The following UPP2 variants were observed in gnomAD, a reference collection of about 807,000 sequenced individuals.
UPP2 encodes the protein uridine phosphorylase 2, also known as UPase 2.
Under a neutral mutation model 26.7 loss-of-function variants are expected in UPP2, and 23 were observed. That is an observed-to-expected ratio of 0.86 (90% CI 0.62 to 1.22). The LOEUF (loss-of-function observed/expected upper bound fraction) is 1.22, where lower values mean the gene tolerates loss of function less well. Among genes scored for constraint, UPP2 ranks in the 50% most tolerant of loss-of-function variants. UPP2 has a pLI of 0.00. For synonymous variants in UPP2, 127 were observed against 141.3 expected (o/e 0.90, Z 0.72); for missense variants, 387 against 396.7 (o/e 0.98, Z 0.21).
chr2:158,036,977 T>C (rs1351106025), intron 3 of UPP2, among the ~76,000 whole-genome samples: 1 of 152,190 alleles, frequency 6.6e-6, no homozygotes, highest in Non-Finnish European at 1.5e-5. Flanking sequence ...TGTATGGGGC[T>C]GGGAAAGTTT....
chr2:158,027,764 C>T (rs1012353500), intron 3 of UPP2, among the ~76,000 whole-genome samples: 1 of 152,206 alleles, frequency 6.6e-6, no homozygotes, highest in African/African-American at 2.4e-5. Context: ...GCCTGGGTAT[C>T]CAGGCATTTC....
At chr2:158,072,322 ATCAGGT>A (rs1478336967) in intron 3 of UPP2, among the ~76,000 whole-genome samples, 1 of 152,186 alleles carries the variant, frequency 6.6e-6, no homozygotes, top group Admixed American at 6.5e-5. Flanking sequence ...AGAATAAAAC[ATCAGGT>A]AGATTTCTAG....
At chr2:158,123,119 A>G (rs545895709) in intron 5 of UPP2, among the ~76,000 whole-genome samples, 2 of 152,232 alleles carry the variant, frequency 1.3e-5, no homozygotes, top group South Asian at 4.1e-4. Flanking sequence ...GGAAGGAGTA[A>G]TGACATCAAG....
chr2:158,081,584 T>C (rs945053310), intron 3 of UPP2, among the ~76,000 whole-genome samples: 1 of 152,106 alleles, frequency 6.6e-6, no homozygotes, highest in Non-Finnish European at 1.5e-5. Flanking sequence ...GATCAGTGGT[T>C]GAATAGATAA....
At chr2:158,042,469 C>G (rs1684094934) in intron 3 of UPP2, among the ~76,000 whole-genome samples, 1 of 152,130 alleles carries the variant, frequency 6.6e-6, no homozygotes. Flanking sequence ...TGGATTAGCA[C>G]TGATTAAGGG....
chr2:158,113,600 A>T (rs7574417), intron 2 of UPP2, among the ~76,000 whole-genome samples: 11,296 of 152,212 alleles, frequency 0.074, 756 homozygotes, highest in African/African-American at 0.17. Context: ...TGAGAAAGAG[A>T]ATAGCTCAGG....
chr2:158,068,636 C>T (rs1226856368), intron 3 of UPP2, among the ~76,000 whole-genome samples: 1 of 150,980 alleles, frequency 6.6e-6, no homozygotes, highest in East Asian at 2.0e-4. Flanking sequence ...AAGGACCACA[C>T]GCTCAGATGC....
In UPP2 at chr2:158,042,276, G is replaced by A. The variant is rs569557322; in HGVS notation, c.147+26390G>A. Among the ~76,000 whole-genome samples, 3 of 152,248 alleles carry A rather than the reference G, an allele frequency of 2.0e-5. No homozygotes were observed. In the South Asian group the frequency reaches 6.2e-4, roughly 32 times the overall value. On this transcript the variant is annotated intron_variant, in intron 3 of 9. Coordinates refer to the UPP2 transcript ENST00000605860. ...TTTCAATCCTCTGCAGGCCAGGAGT[G>A]TTGACAATTAAAGATAAAAGCAGGC... is the stretch of plus-strand genomic sequence containing the variant.
chr2:158,133,945 G>T (rs1683877121), intron 6 of UPP2: 1 of 152,214 alleles, frequency 6.6e-6, no homozygotes, highest in Non-Finnish European at 1.5e-5. Context: ...TGAAATCAAA[G>T]ATTTGATATG....
rs1043740209 is a variant in UPP2 at position 158,032,843 on chromosome 2, G to A, written c.147+16957G>A. On this transcript the variant is annotated intron_variant, in intron 3 of 9. Coordinates refer to the UPP2 transcript ENST00000605860. The stretch of plus-strand genomic sequence containing the variant: ...TAGCAATGCTTTTCATATCTGACAG[G>A]CAGCACAGGTTTCTTTGTGCAGGGA... Among the ~76,000 whole-genome samples, 6 of 152,106 alleles carry A rather than the reference G, an allele frequency of 3.9e-5. No homozygotes were observed. In the East Asian group the frequency reaches 1.2e-3, roughly 29 times the overall value.
chr2:158,062,292 AT>A lies in UPP2; in HGVS notation c.148-39745del, dbSNP rs1682364730. 2.6e-5 allele frequency among the ~76,000 whole-genome samples: 4 copies of A among 152,334 alleles called. No homozygotes were observed. The South Asian group carries it at 8.3e-4, about 32-fold the overall frequency. On this transcript the variant is annotated intron_variant, in intron 3 of 9. Transcript: ENST00000605860. ...GCTAAGAAAACACATTTTAAATTAC[AT>A]TTAAGCTTGGTTACTTTAAATTTAA...
At chr2:158,011,358 T>G (rs554712559) in intron 2 of UPP2, among the ~76,000 whole-genome samples, 1 of 152,316 alleles carries the variant, frequency 6.6e-6, no homozygotes, top group Admixed American at 6.5e-5. Context: ...TCTCTGAGTG[T>G]TTTGCTCATT....
intron 3 of UPP2, among the ~76,000 whole-genome samples, chr2:158,075,877 T>C (rs1038599702): frequency 4.6e-5 from 7 of 150,702 alleles, no homozygotes; most frequent in Admixed American, 4.6e-4. Flanking sequence ...AAGAAAATAA[T>C]AAAAAAGATC....
At chr2:158,119,314 A>G (rs1467225891) in intron 4 of UPP2, among the ~76,000 whole-genome samples, 1 of 152,088 alleles carries the variant, frequency 6.6e-6, no homozygotes, top group Non-Finnish European at 1.5e-5. Flanking sequence ...CATATAGCAC[A>G]CAATGAAGGC....
intron 2 of UPP2, among the ~76,000 whole-genome samples, chr2:158,014,435 C>A: frequency 6.6e-6 from 1 of 152,158 alleles, no homozygotes. Context: ...TTCTTATGGG[C>A]TTCCTTGAAT....
At chr2:158,074,156 G>A (rs1682588614) in intron 3 of UPP2, among the ~76,000 whole-genome samples, 1 of 152,166 alleles carries the variant, frequency 6.6e-6, no homozygotes, top group African/African-American at 2.4e-5. Flanking sequence ...CAGCCAAGGT[G>A]ACAGAGTGAG....
At chr2:158,132,708 G>A (rs1172984077) in intron 6 of UPP2, among the ~76,000 whole-genome samples, 1 of 151,988 alleles carries the variant, frequency 6.6e-6, no homozygotes, top group East Asian at 1.9e-4. Flanking sequence ...TAAGAAATGG[G>A]CAAAGGATCT....
intron 2 of UPP2, among the ~76,000 whole-genome samples, chr2:157,998,469 T>C (rs1364608471): frequency 6.6e-6 from 1 of 152,204 alleles, no homozygotes; most frequent in Admixed American, 6.5e-5. Flanking sequence ...GATTTGATTA[T>C]GATGTGCCTT....
In UPP2 at chr2:158,109,316, C is replaced by A. The variant is rs190927779; in HGVS notation, c.180+3100C>A. ...ACTCCTATTTCCTTCATATTCTTAC[C>A]ATATTTAAAAATTTTTGCTACTTGC... On this transcript the variant is annotated intron_variant, in intron 2 of 6. Transcript: ENST00000005756. Among the ~76,000 whole-genome samples the A allele has an allele frequency of 3.2e-3, 480 of 152,136 alleles. 1 individual carries two copies. Among genetic ancestry groups the A allele is most frequent in the African/African-American group, 0.011 (452 of 41,504 alleles).
Sources: allele counts gnomAD v4.1 joint callset (sites outside exome capture counted in the v4.1 genomes callset), GRCh38; gene constraint gnomAD v4.1.1; transcripts MANE v1.5; gene names NCBI Gene and HGNC (gene_info 2026-07-23, HGNC 2026-07-21).